OSBPL10: variants seen among roughly 807,000 people sequenced by gnomAD.
OSBPL10 encodes oxysterol binding protein like 10.
A neutral mutation model predicts 81.7 loss-of-function variants in OSBPL10; 49 were observed. The ratio of observed to expected loss-of-function variants is 0.60; its 90% CI spans 0.48 to 0.76. The LOEUF is 0.76. Ranked by LOEUF, OSBPL10 falls within the 30% of genes least tolerant of loss-of-function variation. The pLI is 0.00. For synonymous variants in OSBPL10, 419 were observed against 383.6 expected (o/e 1.09, Z -1.08); for missense variants, 923 against 987.8 (o/e 0.93, Z 0.88).
intron 2 of OSBPL10, among the ~76,000 whole-genome samples, chr3:32,021,006 T>C (rs973567473): frequency 6.6e-6 from 1 of 152,252 alleles, no homozygotes; most frequent in Non-Finnish European, 1.5e-5. Flanking sequence ...TCTTGCTGTG[T>C]CCTCACTTGG....
At chr3:31,886,484 A>C (rs1261084950) in intron 1 of OSBPL10, among the ~76,000 whole-genome samples, 1 of 152,156 alleles carries the variant, frequency 6.6e-6, no homozygotes, top group Non-Finnish European at 1.5e-5. Flanking sequence ...CTTCATGGAG[A>C]GGGTGGACCT....
At chr3:32,012,776 A>T (rs1699273735) in intron 2 of OSBPL10, among the ~76,000 whole-genome samples, 1 of 152,232 alleles carries the variant, frequency 6.6e-6, no homozygotes, top group South Asian at 2.1e-4. Flanking sequence ...AAACAAAAAA[A>T]GGCAGGGGTT....
At chr3:31,930,908 G>A (rs893202807) in intron 1 of OSBPL10, among the ~76,000 whole-genome samples, 5 of 150,880 alleles carry the variant, frequency 3.3e-5, no homozygotes, top group African/African-American at 1.2e-4. Flanking sequence ...CAGCTACTCG[G>A]GAGGCTGAGG....
At chr3:31,804,513 T>C (rs987907195) in intron 4 of OSBPL10, among the ~76,000 whole-genome samples, 3 of 152,184 alleles carry the variant, frequency 2.0e-5, no homozygotes, top group Admixed American at 6.5e-5. Context: ...GATCTAACAA[T>C]GAAGGAGACC....
chr3:31,879,097 T>G (rs1156397978), intron 2 of OSBPL10, among the ~76,000 whole-genome samples: 1 of 151,962 alleles, frequency 6.6e-6, no homozygotes, highest in Non-Finnish European at 1.5e-5. Context: ...TTTTCTTTTT[T>G]TTCTTTATTA....
intron 1 of OSBPL10, among the ~76,000 whole-genome samples, chr3:32,062,255 C>T (rs1433618333): frequency 2.1e-5 from 2 of 93,566 alleles, no homozygotes; most frequent in Admixed American, 2.6e-4. Flanking sequence ...CAGGCATGCA[C>T]CATTACACCC....
At chr3:31,693,259 CA>C (rs34289750) in intron 7 of OSBPL10, among the ~76,000 whole-genome samples, 2 of 151,604 alleles carry the variant, frequency 1.3e-5, no homozygotes, top group African/African-American at 2.4e-5. Flanking sequence ...TTCCCTTTTA[CA>C]AAAAAAAGCT....
intron 6 of OSBPL10, among the ~76,000 whole-genome samples, chr3:31,715,109 T>A (rs1211567755): frequency 2.6e-5 from 4 of 152,096 alleles, no homozygotes; most frequent in African/African-American, 9.7e-5. Context: ...TCTAGCCTAG[T>A]CTGAGGACAG....
intron 4 of OSBPL10, among the ~76,000 whole-genome samples, chr3:31,800,291 G>A (rs1382009245): frequency 6.6e-6 from 1 of 152,170 alleles, no homozygotes; most frequent in Non-Finnish European, 1.5e-5. Context: ...GCATGATGGT[G>A]GTTCATGACA....
chr3:31,869,345 T>C (rs1405239412), intron 3 of OSBPL10, among the ~76,000 whole-genome samples: 4 of 152,228 alleles, frequency 2.6e-5, no homozygotes, highest in Admixed American at 6.5e-5. Flanking sequence ...AATTGAAAGA[T>C]GGATATATCC....
At chr3:32,003,647 T>G (rs891549574) in intron 2 of OSBPL10, among the ~76,000 whole-genome samples, 3 of 152,200 alleles carry the variant, frequency 2.0e-5, no homozygotes, top group African/African-American at 7.2e-5. Flanking sequence ...ATAATCCTCT[T>G]TCTCGTCTCT....
rs566072623 is a variant in OSBPL10 at position 31,838,670 on chromosome 3, A to T, written c.538-8439T>A. Among the ~76,000 whole-genome samples, 27 of 152,250 alleles carry T rather than the reference A, an allele frequency of 1.8e-4. No homozygotes were observed. The South Asian group carries it at 5.4e-3, about 30-fold the overall frequency. ...GCTCTCTTCAACTGAGGTCCAAAAA[A>T]GTCACCACAACTCTCTATGGAACAC... On this transcript the variant is annotated intron_variant, in intron 3 of 11. Coordinates refer to ENST00000396556, the MANE Select transcript of OSBPL10 (RefSeq NM_017784.5).
At chr3:31,981,595 T>A (rs1463113780), upstream of OSBPL10, among the ~76,000 whole-genome samples, 2 of 152,082 alleles carry the variant, frequency 1.3e-5, no homozygotes, top group African/African-American at 4.8e-5. The surrounding 1 kb of genome is among the most constrained non-coding windows in gnomAD (Gnocchi z 4.5). Context: ...CACCCACGCA[T>A]TCCTTCTGCC....
chr3:31,913,995 T>C (rs1696672129), intron 1 of OSBPL10, among the ~76,000 whole-genome samples: 1 of 152,200 alleles, frequency 6.6e-6, no homozygotes, highest in African/African-American at 2.4e-5. Flanking sequence ...CAATCTCAGC[T>C]CACTGAAACC....
chr3:31,846,519 G>A (rs1348030396), intron 3 of OSBPL10, among the ~76,000 whole-genome samples: 1 of 152,008 alleles, frequency 6.6e-6, no homozygotes, highest in Non-Finnish European at 1.5e-5. Flanking sequence ...CCAGCTACTT[G>A]GGAGGCTGAG....
chr3:31,691,423 A>G (rs1386497332), intron 7 of OSBPL10, among the ~76,000 whole-genome samples: 1 of 152,176 alleles, frequency 6.6e-6, no homozygotes, highest in African/African-American at 2.4e-5. Flanking sequence ...AATTTTCTTC[A>G]AAGAAACATC....
At chr3:31,684,689 G>A (rs546754590) in intron 7 of OSBPL10, among the ~76,000 whole-genome samples, 1 of 152,332 alleles carries the variant, frequency 6.6e-6, no homozygotes, top group South Asian at 2.1e-4. Flanking sequence ...GTAGGACTGT[G>A]GAAAGGGCCC....
chr3:31,825,872 A>T (rs1700087922), intron 4 of OSBPL10, among the ~76,000 whole-genome samples: 1 of 152,206 alleles, frequency 6.6e-6, no homozygotes, highest in South Asian at 2.1e-4. Context: ...TATTAAGATG[A>T]CTATAGGGTC....
At chr3:31,721,805 C>G (rs537616333) in intron 6 of OSBPL10, among the ~76,000 whole-genome samples, 2 of 152,272 alleles carry the variant, frequency 1.3e-5, no homozygotes, top group African/African-American at 4.8e-5. Context: ...TTAATAAGGA[C>G]TTACTATTGA....
Sources: gnomAD v4.1 joint callset for allele counts (sites outside exome capture counted in the v4.1 genomes callset) on GRCh38, gnomAD v4.1.1 for gene constraint, Gnocchi (gnomAD v3.1) non-coding constraint, MANE v1.5 for transcripts, NCBI Gene and HGNC (gene_info 2026-07-23, HGNC 2026-07-21) for gene names.